Variants in CDC42BPB observed in about 807,000 individuals in gnomAD.
CDC42BPB encodes the protein serine/threonine-protein kinase MRCK beta.
A neutral mutation model predicts 214.9 loss-of-function variants in CDC42BPB; 37 were observed. That is an observed-to-expected ratio of 0.17 (90% CI 0.13 to 0.23). CDC42BPB has a LOEUF of 0.23. CDC42BPB is among the 10% of genes least tolerant of loss of function. The probability of loss-of-function intolerance (pLI) is 1.00; values close to 1 mark genes in which losing one functional copy is unlikely to be tolerated. For missense variants in CDC42BPB, 1,694 were observed against 2,227.0 expected (o/e 0.76, Z 4.82); for synonymous variants, 931 against 884.0 (o/e 1.05, Z -0.94).
intron 30 of CDC42BPB, chr14:102,940,698 A>G: frequency 3.3e-6 from 1 of 300,208 alleles, no homozygotes; most frequent in South Asian, 3.7e-5. Context: ...CCGACTGTTC[A>G]GTATGGTGAG....
chr14:102,942,062 G>A (rs1891915309), intron 30 of CDC42BPB, among the ~76,000 whole-genome samples: 1 of 152,208 alleles, frequency 6.6e-6, no homozygotes, highest in Non-Finnish European at 1.5e-5. Flanking sequence ...CCTCTTCAAC[G>A]TTACGCTTTG....
At chr14:103,015,918 A>G (rs1280327224) in intron 1 of CDC42BPB, among the ~76,000 whole-genome samples, 1 of 151,012 alleles carries the variant, frequency 6.6e-6, no homozygotes, top group Non-Finnish European at 1.5e-5. Flanking sequence ...GGGTTTCACT[A>G]TGTTACCCAG....
intron 8 of CDC42BPB, among the ~76,000 whole-genome samples, chr14:102,980,127 C>T (rs189218839): frequency 1.1e-4 from 17 of 152,268 alleles, no homozygotes; most frequent in African/African-American, 4.1e-4. Context: ...GTCTTTCAAC[C>T]TAAAAAACCT....
chr14:103,035,832 T>C (rs1224697475), intron 1 of CDC42BPB, among the ~76,000 whole-genome samples: 1 of 150,444 alleles, frequency 6.6e-6, no homozygotes, highest in Non-Finnish European at 1.5e-5. Context: ...AGAGCAAGAC[T>C]CTGTCTCAAA....
rs35769539 is a variant in CDC42BPB at position 102,945,420 on chromosome 14, G to A, written c.3811+242C>T. 2.4e-3 allele frequency: 1,355 copies of A among 554,206 alleles called. 16 individuals are homozygous for A. Among genetic ancestry groups the A allele is most frequent in the African/African-American group, 0.023 (1,206 of 53,220 alleles). The allele number at this position is 554,206 out of a possible 1,614,324, so 34.3% of individuals were successfully genotyped here. On this transcript the variant is annotated intron_variant, in intron 29 of 36. Coordinates refer to ENST00000361246, the MANE Select transcript of CDC42BPB (RefSeq NM_006035.4). ...CTGCAGCTGTTCCTCCTCCCAGGGG[G>A]CTTTCCTTGACCCCCCACCCACTCC...
rs762380516 is a variant in CDC42BPB, at chr14:102,950,443, A to C, written c.3309+23T>G. On this transcript the variant is annotated intron_variant, in intron 25 of 36. Transcript: ENST00000361246. The stretch of plus-strand genomic sequence containing the variant: ...TGCACCTCACAGGCACCGAGGGCTG[A>C]GGGCGGAGATGAAGCCGCCTACCTT... 22 of 1,611,686 alleles carry C rather than the reference A, an allele frequency of 1.4e-5. No individual in the cohort carries two copies. The African/African-American group carries it at 2.8e-4, about 21-fold the overall frequency.
intron 8 of CDC42BPB, 108 bp downstream of exon 8, chr14:102,980,664 CA>C (rs1403261944): frequency 1.3e-5 from 14 of 1,101,202 alleles, no homozygotes; most frequent in Middle Eastern, 3.0e-4. Flanking sequence ...TCTTAAGTGC[CA>C]AATTTCACAG....
chr14:102,987,483 A>C (rs550200661), intron 5 of CDC42BPB, among the ~76,000 whole-genome samples: 1 of 152,356 alleles, frequency 6.6e-6, no homozygotes, highest in South Asian at 2.1e-4. Flanking sequence ...CAAAAGGCAG[A>C]AACAATCTAA....
intron 7 of CDC42BPB, among the ~76,000 whole-genome samples, chr14:102,981,732 G>A (rs570560073): frequency 2.0e-5 from 3 of 152,152 alleles, no homozygotes; most frequent in South Asian, 2.1e-4. Context: ...AGCCAAGATC[G>A]TGCCACTGCA....
intron 14 of CDC42BPB, 180 bp from the exon 15 acceptor site, chr14:102,968,896 C>T (rs1295712649): frequency 3.0e-6 from 3 of 985,356 alleles, no homozygotes; most frequent in African/African-American, 1.7e-5. Context: ...GGGGTCACAG[C>T]AGGAGACGGC....
At position 102,983,501 on chromosome 14, in the gene CDC42BPB, T is replaced by C. The variant is rs1894100177; in HGVS notation, c.891+55A>G. The C allele has an allele frequency of 8.2e-6, 13 of 1,594,078 alleles. No individual in the cohort carries two copies. The South Asian group carries it at 8.9e-5, about 11-fold the overall frequency. On this transcript the variant is annotated intron_variant, in intron 7 of 36. Transcript: ENST00000361246. ...ATCTTCCTGCACTAGTTGTGCTCTC[T>C]GTACTTTAGGCCTGAGCCAGGTACC... is the stretch of plus-strand genomic sequence containing the variant.
intron 16 of CDC42BPB, 45 bp downstream of exon 16, chr14:102,968,208 C>T (rs1329861350): frequency 7.0e-7 from 1 of 1,429,850 alleles, no homozygotes; most frequent in Admixed American, 1.8e-5. Flanking sequence ...TTTTAAATTA[C>T]AACTTCCACA....
At position 103,012,934 on chromosome 14, in the gene CDC42BPB, G is replaced by A. The variant is rs377038133; in HGVS notation, c.176-746C>T. 2.8e-3 allele frequency among the ~76,000 whole-genome samples: 430 copies of A among 152,378 alleles called. 5 individuals are homozygous for A. Among genetic ancestry groups the A allele is most frequent in the South Asian group, 1.7e-3 (8 of 4,834 alleles). The stretch of plus-strand genomic sequence containing the variant: ...GTAGGTTGTGCCACATGGCCTAGGT[G>A]TGGAGTAGGTTTTGCCATCTGAGTC... On this transcript the variant is annotated intron_variant, in intron 1 of 36. Coordinates refer to ENST00000361246, the MANE Select transcript of CDC42BPB (RefSeq NM_006035.4).
chr14:103,024,138 C>T (rs546444899), intron 1 of CDC42BPB, among the ~76,000 whole-genome samples: 6 of 152,216 alleles, frequency 3.9e-5, no homozygotes, highest in African/African-American at 9.7e-5. Flanking sequence ...GGGCTGGGAC[C>T]GCCAGGACAG....
chr14:102,943,803 G>A lies in CDC42BPB; in HGVS notation c.4408+88C>T. 8.0e-7 allele frequency: 1 copy of A among 1,248,822 alleles called. No individual in the cohort carries two copies. The highest frequency in any genetic ancestry group is 1.1e-6 in the Non-Finnish European group (1 of 896,224). 77.4% of individuals were successfully genotyped at this position (1,248,822 alleles called of 1,614,324 possible). On this transcript the variant is annotated intron_variant, in intron 30 of 36. Coordinates refer to ENST00000361246, the MANE Select transcript of CDC42BPB (RefSeq NM_006035.4). This position sits in a 1 kb window ranked among gnomAD's most constrained non-coding sequence, Gnocchi z 4.6. ...CTGTGACTACTCAACTAAGGGACTG[G>A]AAGACAAACCAAAGCAAAATCGAAC...
At chr14:102,975,610 G>A in intron 11 of CDC42BPB, 74 bp downstream of exon 11, 1 of 1,424,546 alleles carries the variant, frequency 7.0e-7, no homozygotes. Flanking sequence ...TTTATGAAAA[G>A]GACTCTGAAA....
intron 30 of CDC42BPB, chr14:102,941,001 G>T: frequency 1.8e-6 from 1 of 558,552 alleles, no homozygotes; most frequent in Non-Finnish European, 2.3e-6. Context: ...AGGTGCCACG[G>T]ATGTGAAACC....
chr14:102,956,636 T>C (rs961668564), intron 21 of CDC42BPB, among the ~76,000 whole-genome samples: 1 of 151,356 alleles, frequency 6.6e-6, no homozygotes, highest in African/African-American at 2.4e-5. Flanking sequence ...TTGAGACCGG[T>C]CTGGGCAATA....
chr14:102,972,972 A>G (rs1325421093), intron 12 of CDC42BPB, among the ~76,000 whole-genome samples: 2 of 152,240 alleles, frequency 1.3e-5, no homozygotes, highest in Non-Finnish European at 2.9e-5. Flanking sequence ...CTGCCCTTCA[A>G]TGCAGACTGA....
Sources: gnomAD v4.1 joint callset for allele counts (sites outside exome capture counted in the v4.1 genomes callset) on GRCh38, gnomAD v4.1.1 for gene constraint, Gnocchi (gnomAD v3.1) non-coding constraint, MANE v1.5 for transcripts, NCBI Gene and HGNC (gene_info 2026-07-23, HGNC 2026-07-21) for gene names.